The following SERINC1 variants were observed in gnomAD, a reference collection of about 807,000 sequenced individuals.
SERINC1 encodes the protein tumor differentially expressed protein 2.
Under a neutral mutation model 52.9 loss-of-function variants are expected in SERINC1, and 38 were observed. That is an observed-to-expected ratio of 0.72 (90% confidence interval 0.55 to 0.94). The LOEUF is 0.94. Ranked by LOEUF, SERINC1 falls within the 40% of genes least tolerant of loss-of-function variation. SERINC1 has a pLI of 0.00. For synonymous variants in SERINC1, 198 were observed against 183.1 expected (o/e 1.08, Z -0.66); for missense variants, 471 against 533.9 (o/e 0.88, Z 1.16).
chr6:122,465,593 T>C (rs1775175513), intron 1 of SERINC1, among the ~76,000 whole-genome samples: 1 of 152,190 alleles, frequency 6.6e-6, no homozygotes, highest in Admixed American at 6.5e-5. Flanking sequence ...AATATCTGCA[T>C]TAGGCTTCCA....
chr6:122,451,740 T>C lies in SERINC1; in HGVS notation c.774A>G (p.Arg258=). 1 of 911,948 alleles carries C rather than the reference T, an allele frequency of 1.1e-6. No individual in the cohort carries two copies. The highest frequency in any genetic ancestry group is 1.5e-6 in the Non-Finnish European group (1 of 679,668). 56.5% of individuals were successfully genotyped at this position (911,948 alleles called of 1,614,324 possible). The part of the protein sequence containing the change: ...ILPKIQESQP[R]SGLLQSSVIT... ...TTACTGAAGACTGTAACAAACCAGATCTTGGTTGTGATTCCTACAAAAAAA... is the reference window on the plus strand; with the variant it reads ...TTACTGAAGACTGTAACAAACCAGACCTTGGTTGTGATTCCTACAAAAAAA... Residue 258 remains arginine, a synonymous_variant, in exon 7 of 10, where the codon AGA becomes AGG. Transcript: ENST00000339697.
intron 7 of SERINC1, among the ~76,000 whole-genome samples, 168 bp from the exon 8 acceptor site, chr6:122,447,433 G>A (rs1161637977): frequency 6.6e-6 from 1 of 152,170 alleles, no homozygotes; most frequent in Non-Finnish European, 1.5e-5. Flanking sequence ...TTATTAATAA[G>A]ACCTTTGAAG....
chr6:122,468,700 G>A (rs1385061990), intron 1 of SERINC1, among the ~76,000 whole-genome samples: 1 of 152,054 alleles, frequency 6.6e-6, no homozygotes, highest in African/African-American at 2.4e-5. Flanking sequence ...AGATTTTGGG[G>A]GGACATTTTT....
Position 122,451,989 on chromosome 6 carries a change from A to G in SERINC1, c.658T>C (p.Tyr220His), listed in dbSNP as rs142673138. Residue 220 changes from tyrosine to histidine, a missense_variant, in exon 6 of 10, where the codon TAC becomes CAC. By Grantham distance (83) the Tyr-to-His change is moderately conservative. Transcript: ENST00000339697. ...LVAIVLFFVY[Y>H]THPASCSENK... ...TCTGAACAACTGGCTGGATGAGTGT[A>G]GTAGACAAAGAACAGGACGATAGCA... 6.3e-7 allele frequency: 1 copy of G among 1,595,108 alleles called. No homozygotes were observed. Among genetic ancestry groups the G allele is most frequent in the Admixed American group, 1.7e-5 (1 of 57,174 alleles).
chr6:122,451,775 AAATATAT>A, intron 6 of SERINC1, 21 bp from the exon 7 acceptor site: 1 of 288,188 alleles, frequency 3.5e-6, no homozygotes, highest in Non-Finnish European at 5.2e-6. Flanking sequence ...AAAAAAAAAA[AAATATAT>A]ATATATATAT....
chr6:122,447,886 C>T (rs1304014843), intron 7 of SERINC1, among the ~76,000 whole-genome samples: 2 of 152,004 alleles, frequency 1.3e-5, no homozygotes, highest in African/African-American at 4.8e-5. Context: ...GAGGCCGAGG[C>T]GGGCGGATCA....
Position 122,458,632 on chromosome 6 carries a change from G to T in SERINC1, c.89C>A (p.Pro30His). The stretch of plus-strand genomic sequence containing the variant: ...AGTTACAGTGGAGTTGTTTCCACTA[G>T]GACAGCATCGGCATAGCAAACACGG... ...SAPCLLCRCCPSGNNSTVTRL... is the reference protein window; with the variant it reads ...SAPCLLCRCCHSGNNSTVTRL... The change falls in exon 2 of 10, where the codon CCT (proline) becomes CAT (histidine). Residue 30 changes from proline (P) to histidine (H), a missense_variant. Coordinates refer to ENST00000339697, the MANE Select transcript of SERINC1 (RefSeq NM_020755.4). 1 of 1,610,638 alleles carries T rather than the reference G, an allele frequency of 6.2e-7. No homozygotes were observed. The highest frequency in any genetic ancestry group is 8.5e-7 in the Non-Finnish European group (1 of 1,177,430).
intron 7 of SERINC1, among the ~76,000 whole-genome samples, chr6:122,448,841 T>C (rs140458790): frequency 2.0e-4 from 31 of 151,410 alleles, no homozygotes; most frequent in African/African-American, 4.6e-4. Context: ...TTTTTACAAA[T>C]TGAAGGTTTG....
At chr6:122,470,720 C>T (rs1025855789) in intron 1 of SERINC1, among the ~76,000 whole-genome samples, 3 of 151,890 alleles carry the variant, frequency 2.0e-5, no homozygotes, top group Non-Finnish European at 1.5e-5. Context: ...GTATATATAA[C>T]GGAATCATTT....
At chr6:122,469,105 T>C (rs1421856239) in intron 1 of SERINC1, among the ~76,000 whole-genome samples, 4 of 152,168 alleles carry the variant, frequency 2.6e-5, no homozygotes, top group African/African-American at 9.7e-5. Context: ...AGGATTATGA[T>C]CAATCTAATT....
In SERINC1 at chr6:122,464,843, C is replaced by T. The variant is rs147338504; in HGVS notation, c.40-6162G>A. ...ACTGGTTCTCAAACTGTAACAACTACCAGAATTACCTGGAGGGCTTATTAA... is the reference window on the plus strand; with the variant it reads ...ACTGGTTCTCAAACTGTAACAACTATCAGAATTACCTGGAGGGCTTATTAA... On this transcript the variant is annotated intron_variant, in intron 1 of 9. Transcript: ENST00000339697. Among the ~76,000 whole-genome samples the T allele has an allele frequency of 8.4e-4, 128 of 152,204 alleles. 1 individual carries two copies. Among genetic ancestry groups the T allele is most frequent in the African/African-American group, 3.0e-3 (123 of 41,532 alleles).
In SERINC1 at chr6:122,451,752, T is replaced by G. The variant is rs759394797; in HGVS notation, c.762A>C (p.Glu254Asp). The G allele has an allele frequency of 1.2e-5, 4 of 323,212 alleles. No individual in the cohort carries two copies. The Admixed American group carries it at 4.8e-4, about 39-fold the overall frequency. 20.0% of individuals were successfully genotyped at this position (323,212 alleles called of 1,614,324 possible). The change falls in exon 7 of 10, where the codon GAA becomes GAC. Residue 254 changes from glutamate to aspartate, a missense_variant and splice_region_variant. By Grantham distance (45) the Glu-to-Asp change is conservative (BLOSUM62 2). Transcript: ENST00000339697. The part of the protein sequence containing the change: ...SVMSILPKIQ[E>D]SQPRSGLLQS... ...GTAACAAACCAGATCTTGGTTGTGA[T>G]TCCTACAAAAAAAAAAAAAAAAAAA...
At chr6:122,448,788 ATT>A (rs67382351) in intron 7 of SERINC1, among the ~76,000 whole-genome samples, 2,138 of 119,464 alleles carry the variant, frequency 0.018, 27 homozygotes, top group African/African-American at 0.044. Flanking sequence ...TGCTTTGCCT[ATT>A]TTTTTTTTTT....
chr6:122,450,473 G>A (rs1428351153), intron 7 of SERINC1, among the ~76,000 whole-genome samples: 3 of 152,170 alleles, frequency 2.0e-5, no homozygotes, highest in Non-Finnish European at 4.4e-5. Context: ...TTTCATGTCT[G>A]CTAACACAGT....
intron 7 of SERINC1, among the ~76,000 whole-genome samples, chr6:122,451,214 A>C (rs916077562): frequency 6.6e-5 from 10 of 152,224 alleles, no homozygotes; most frequent in South Asian, 2.1e-4. Flanking sequence ...GTCAACATTG[A>C]GGCAAGACCT....
rs777839958 is a variant in SERINC1, at chr6:122,447,108, T to A, written c.995+13A>T. ...TTCTTGTTTAAAGAAAAAAATTCCATAGTTTTTCCTACCTGGAATAAAATA... is the reference window on the plus strand; with the variant it reads ...TTCTTGTTTAAAGAAAAAAATTCCAAAGTTTTTCCTACCTGGAATAAAATA... On this transcript the variant is annotated intron_variant, in intron 8 of 9. Transcript: ENST00000339697. 1 of 1,602,912 alleles carries A rather than the reference T, an allele frequency of 6.2e-7. No individual in the cohort carries two copies. The highest frequency in any genetic ancestry group is 8.5e-7 in the Non-Finnish European group (1 of 1,173,982).
At chr6:122,448,974 T>A (rs1305954503) in intron 7 of SERINC1, among the ~76,000 whole-genome samples, 1 of 152,192 alleles carries the variant, frequency 6.6e-6, no homozygotes. Context: ...TAATTACATC[T>A]GTTATGGTGA....
chr6:122,450,566 G>A (rs1582630783), intron 7 of SERINC1, among the ~76,000 whole-genome samples: 1 of 152,142 alleles, frequency 6.6e-6, no homozygotes, highest in South Asian at 2.1e-4. Context: ...TAAGGCTATA[G>A]CTGCCATAGA....
chr6:122,448,615 A>G (rs1378700579), intron 7 of SERINC1, among the ~76,000 whole-genome samples: 1 of 152,204 alleles, frequency 6.6e-6, no homozygotes, highest in Non-Finnish European at 1.5e-5. Context: ...ACAGGCTAAA[A>G]GAGTAATTTA....
Sources: gnomAD v4.1 joint callset for allele counts (sites outside exome capture counted in the v4.1 genomes callset) on GRCh38, gnomAD v4.1.1 for gene constraint, MANE v1.5 for transcripts, NCBI Gene and HGNC (gene_info 2026-07-23, HGNC 2026-07-21) for gene names.